DNAJC3: variants seen among roughly 807,000 people sequenced by gnomAD.
DNAJC3 encodes the protein DnaJ heat shock protein family (Hsp40) member C3.
A neutral mutation model predicts 68.6 loss-of-function variants in DNAJC3; 38 were observed. The ratio of observed to expected loss-of-function variants is 0.55; its 90% CI spans 0.43 to 0.73. DNAJC3 has a LOEUF of 0.73. DNAJC3 is among the 30% of genes least tolerant of loss of function. DNAJC3 has a pLI of 0.00. For missense variants in DNAJC3, 526 were observed against 591.9 expected, an observed-to-expected ratio of 0.89 and a Z score of 1.16; for synonymous variants, 203 against 204.0, an observed-to-expected ratio of 1.00 and a Z score of 0.04.
intron 1 of DNAJC3, among the ~76,000 whole-genome samples, chr13:95,706,802 C>G (rs868301338): frequency 1.3e-5 from 2 of 152,198 alleles, no homozygotes; most frequent in South Asian, 2.1e-4. Context: ...TAATCTGTCC[C>G]CTTTCACAGG....
At chr13:95,735,187 A>T (rs1258247243) in intron 4 of DNAJC3, among the ~76,000 whole-genome samples, 5 of 140,810 alleles carry the variant, frequency 3.6e-5, no homozygotes, top group African/African-American at 1.3e-4. Context: ...TCCATGGTGT[A>T]TATGTGCCAC....
chr13:95,714,715 G>T (rs2139632243), intron 2 of DNAJC3, among the ~76,000 whole-genome samples: 1 of 152,260 alleles, frequency 6.6e-6, no homozygotes, highest in Non-Finnish European at 1.5e-5. Context: ...CTTCAGCATG[G>T]CAATTTAAAT....
At chr13:95,781,302 A>T (rs12583795) in intron 9 of DNAJC3, among the ~76,000 whole-genome samples, 1 of 151,818 alleles carries the variant, frequency 6.6e-6, no homozygotes, top group Non-Finnish European at 1.5e-5. Flanking sequence ...CAGCCATCCC[A>T]TAGTCATCTC....
chr13:95,728,565 AGAT>A (rs2139646346), intron 4 of DNAJC3, among the ~76,000 whole-genome samples: 1 of 152,298 alleles, frequency 6.6e-6, no homozygotes, highest in South Asian at 2.1e-4. Context: ...TATATATTTT[AGAT>A]ACTTTGTTGG....
At chr13:95,692,908 C>T (rs1195087027) in intron 1 of DNAJC3, 1 of 151,812 alleles carries the variant, frequency 6.6e-6, no homozygotes, top group Admixed American at 6.6e-5. Flanking sequence ...GCAAGCTCCG[C>T]CTCCCGGATA....
Position 95,793,663 on chromosome 13 carries a change from T to G in DNAJC3, c.*2633T>G, listed in dbSNP as rs191725862. 1.3e-5 allele frequency: 2 copies of G among 152,370 alleles called. No homozygotes were observed. Among genetic ancestry groups the G allele is most frequent in the East Asian group, 3.9e-4 (2 of 5,170 alleles). 9.4% of individuals were successfully genotyped at this position (152,370 alleles called of 1,614,324 possible). On this transcript the variant is annotated 3_prime_UTR_variant, in exon 12 of 12. Coordinates refer to ENST00000602402, the MANE Select transcript of DNAJC3 (RefSeq NM_006260.5). ...ATTTTTAGTAGAAATGGGGTTTCAC[T>G]GTGTTAGCCAGGATGGTCTTGATCT...
At position 95,713,642 on chromosome 13, in the gene DNAJC3, TCTTATGGAAATGCAAAGGA is replaced by T; in HGVS notation, c.193+4309_193+4327del. Among the ~76,000 whole-genome samples, 3 of 152,326 alleles carry T rather than the reference TCTTATGGAAATGCAAAGGA, an allele frequency of 2.0e-5. No individual in the cohort carries two copies. The Middle Eastern group carries it at 0.01, about 518-fold the overall frequency. ...AAATTGACTCGCTGATTCTAAAATG[TCTTATGGAAATGCAAAGGA>T]CTTCTTCATGAGTTGCCTTGTGGAC... is the stretch of plus-strand genomic sequence containing the variant. On this transcript the variant is annotated intron_variant, in intron 2 of 11. Coordinates refer to ENST00000602402, the MANE Select transcript of DNAJC3 (RefSeq NM_006260.5).
intron 7 of DNAJC3, among the ~76,000 whole-genome samples, chr13:95,761,816 A>G (rs1882832048): frequency 6.6e-6 from 1 of 150,772 alleles, no homozygotes. Context: ...CCACCTGTTC[A>G]CAGATACAGT....
At position 95,701,585 on chromosome 13, in the gene DNAJC3, A is replaced by G. The variant is rs555182218; in HGVS notation, c.83-7642A>G. 3.3e-5 allele frequency among the ~76,000 whole-genome samples: 5 copies of G among 151,990 alleles called. No homozygotes were observed. In the South Asian group the frequency reaches 1.0e-3, roughly 32 times the overall value. On this transcript the variant is annotated intron_variant, in intron 1 of 11. Transcript: ENST00000602402. ...GAAGTTTAAACTCTCATTGAAATCT[A>G]CTCTGGAGATTTACTCGGTTCTCTT...
chr13:95,691,027 C>A (rs1201375452), intron 1 of DNAJC3, among the ~76,000 whole-genome samples: 2 of 143,400 alleles, frequency 1.4e-5, no homozygotes, highest in African/African-American at 2.6e-5. Context: ...CTGACCCCCC[C>A]ACCTCCCTCC....
chr13:95,788,773 C>A (rs1005543279), intron 11 of DNAJC3, among the ~76,000 whole-genome samples: 1 of 152,174 alleles, frequency 6.6e-6, no homozygotes, highest in Non-Finnish European at 1.5e-5. Context: ...CCCACCCCTA[C>A]GGAGAGTTCA....
At chr13:95,757,950 G>A (rs1882713982) in intron 5 of DNAJC3, among the ~76,000 whole-genome samples, 154 bp downstream of exon 5, 1 of 152,166 alleles carries the variant, frequency 6.6e-6, no homozygotes, top group African/African-American at 2.4e-5. Flanking sequence ...AGTGTTCCTA[G>A]ACAACAAAAT....
chr13:95,713,156 G>A (rs1055483775), intron 2 of DNAJC3, among the ~76,000 whole-genome samples: 6 of 152,074 alleles, frequency 3.9e-5, no homozygotes, highest in African/African-American at 9.7e-5. Flanking sequence ...CCCAGTCTCC[G>A]GTATGTCTTT....
In DNAJC3 at chr13:95,770,286, C is replaced by T. The variant is rs138637780; in HGVS notation, c.1075+6333C>T. On this transcript the variant is annotated intron_variant, in intron 9 of 11. Transcript: ENST00000602402. Reference sequence around the variant, plus strand: ...AAGGAAAAAAAAAAACAAGATTTTTCATCATCTTAAATAGAAACAGACTAA... The same window carrying T: ...AAGGAAAAAAAAAAACAAGATTTTTTATCATCTTAAATAGAAACAGACTAA... Among the ~76,000 whole-genome samples the T allele has an allele frequency of 2.2e-3, 328 of 151,708 alleles. 5 individuals carry two copies. The highest frequency in any genetic ancestry group is 7.6e-3 in the African/African-American group (313 of 41,428).
At chr13:95,776,563 A>G (rs990744004) in intron 9 of DNAJC3, among the ~76,000 whole-genome samples, 2 of 152,212 alleles carry the variant, frequency 1.3e-5, no homozygotes, top group Non-Finnish European at 2.9e-5. Flanking sequence ...TCAACATTCT[A>G]TCATTCTGTT....
At position 95,760,073 on chromosome 13, in the gene DNAJC3, C is replaced by T. The variant is rs727502865; in HGVS notation, c.580C>T (p.Arg194Ter). Residue 194 changes from arginine to a stop codon, truncating the protein, a stop_gained, in exon 6 of 12, where the codon CGA becomes TGA. Coordinates refer to ENST00000602402, the MANE Select transcript of DNAJC3 (RefSeq NM_006260.5). LOFTEE classifies it high-confidence loss of function. ...CVWDAELREL[R>*]AECFIKEGEP... ...TTGGGATGCAGAACTACGGGAACTT[C>T]GAGCTGAATGTTTTATAAAAGAAGG... The T allele has an allele frequency of 3.1e-6, 5 of 1,606,346 alleles. No individual in the cohort carries two copies. The highest frequency in any genetic ancestry group is 1.7e-5 in the Admixed American group (1 of 59,336).
intron 9 of DNAJC3, among the ~76,000 whole-genome samples, chr13:95,783,535 G>T (rs1483383586): frequency 6.6e-6 from 1 of 152,138 alleles, no homozygotes; most frequent in Non-Finnish European, 1.5e-5. Flanking sequence ...GTTTATGATG[G>T]TTTTGTTTTT....
In DNAJC3 at chr13:95,793,700, G is replaced by C. The variant is rs1173791434; in HGVS notation, c.*2670G>C. The C allele has an allele frequency of 6.6e-6, 1 of 152,208 alleles. No homozygotes were observed. Among genetic ancestry groups the C allele is most frequent in the Admixed American group, 6.6e-5 (1 of 15,266 alleles). The allele number at this position is 152,208 out of a possible 1,614,324, so 9.4% of individuals were successfully genotyped here. A position where few individuals can be genotyped will look rare whatever the true frequency, so the allele number is the denominator to read the frequency against. ...GATGGTCTTGATCTCCTGACCTTGT[G>C]ATCTGCCCGCCTTGGCCTTCCAAAG... is the stretch of plus-strand genomic sequence containing the variant. On this transcript the variant is annotated 3_prime_UTR_variant, in exon 12 of 12. Coordinates refer to ENST00000602402, the MANE Select transcript of DNAJC3 (RefSeq NM_006260.5).
chr13:95,746,267 A>G (rs1347346607), intron 4 of DNAJC3, among the ~76,000 whole-genome samples: 4 of 152,228 alleles, frequency 2.6e-5, no homozygotes. Context: ...AAGAACATAC[A>G]TATTTGCTTG....
Sources: allele counts gnomAD v4.1 joint callset (sites outside exome capture counted in the v4.1 genomes callset), GRCh38; gene constraint gnomAD v4.1.1; transcripts MANE v1.5; gene names NCBI Gene and HGNC (gene_info 2026-07-23, HGNC 2026-07-21).